CAMK4: variants seen among roughly 807,000 people sequenced by gnomAD.
The protein encoded by CAMK4 is calcium/calmodulin-dependent protein kinase type IV.
Under a neutral mutation model 44.9 loss-of-function variants are expected in CAMK4, and 22 were observed. The ratio of observed to expected loss-of-function variants is 0.49; its 90% CI spans 0.35 to 0.70. The LOEUF is 0.70. CAMK4 is among the 30% of genes least tolerant of loss of function. The probability of loss-of-function intolerance (pLI) is 0.01; values close to 1 mark genes in which losing one functional copy is unlikely to be tolerated. For missense variants in CAMK4, 498 were observed against 586.8 expected, an observed-to-expected ratio of 0.85 and a Z score of 1.56; for synonymous variants, 218 against 215.4, an observed-to-expected ratio of 1.01 and a Z score of -0.11.
chr5:111,416,295 A>G (rs1429847352), intron 5 of CAMK4, among the ~76,000 whole-genome samples: 1 of 152,116 alleles, frequency 6.6e-6, no homozygotes, highest in Non-Finnish European at 1.5e-5. Context: ...TGGAAGCAAA[A>G]CCATTAACAG....
At position 111,224,407 on chromosome 5, in the gene CAMK4, G is replaced by T; in HGVS notation, c.-77G>T. Reference sequence around the variant, plus strand: ...CTCTCTCTCGCTCCTGCGTTCGCAGGCGGCGGCTGGCGGCCGGCTTCTCGC... The same window carrying T: ...CTCTCTCTCGCTCCTGCGTTCGCAGTCGGCGGCTGGCGGCCGGCTTCTCGC... On this transcript the variant is annotated 5_prime_UTR_variant, in exon 1 of 11. Transcript: ENST00000282356. This position sits in a 1 kb window ranked among gnomAD's most constrained non-coding sequence, Gnocchi z 5.7. 6.8e-7 allele frequency: 1 copy of T among 1,480,128 alleles called. No homozygotes were observed. 91.7% of individuals were successfully genotyped at this position (1,480,128 alleles called of 1,614,324 possible).
At chr5:111,473,947 A>G (rs141763952) in intron 8 of CAMK4, among the ~76,000 whole-genome samples, 6 of 152,358 alleles carry the variant, frequency 3.9e-5, no homozygotes, top group African/African-American at 9.6e-5. Flanking sequence ...AATCCCTGGT[A>G]TCCCCACATC....
chr5:111,270,533 G>A (rs1419415924), intron 1 of CAMK4, among the ~76,000 whole-genome samples: 1 of 152,140 alleles, frequency 6.6e-6, no homozygotes, highest in East Asian at 1.9e-4. Flanking sequence ...TCTCCTTTCA[G>A]CTTTCTGACA....
intron 1 of CAMK4, among the ~76,000 whole-genome samples, chr5:111,229,261 A>T (rs1347945327): frequency 6.6e-6 from 1 of 151,728 alleles, no homozygotes; most frequent in Non-Finnish European, 1.5e-5. Flanking sequence ...CTCAGTTAGG[A>T]CTCTCTGTTT....
chr5:111,329,336 C>T (rs1273588015), intron 1 of CAMK4, among the ~76,000 whole-genome samples: 2 of 151,866 alleles, frequency 1.3e-5, no homozygotes, highest in Non-Finnish European at 2.9e-5. Flanking sequence ...GATGCCCTCT[C>T]TCACCACTCC....
intron 1 of CAMK4, among the ~76,000 whole-genome samples, chr5:111,337,381 A>T (rs1437433784): frequency 1.3e-5 from 2 of 151,172 alleles, no homozygotes; most frequent in African/African-American, 4.8e-5. Context: ...GAAGTGACAT[A>T]CATAGGTCAT....
intron 7 of CAMK4, among the ~76,000 whole-genome samples, chr5:111,459,939 C>T (rs917916888): frequency 1.3e-5 from 2 of 152,034 alleles, no homozygotes; most frequent in African/African-American, 4.8e-5. Flanking sequence ...GAAGACACTA[C>T]TTCGAGAACA....
intron 5 of CAMK4, among the ~76,000 whole-genome samples, chr5:111,434,496 A>C (rs1753578265): frequency 6.6e-6 from 1 of 152,204 alleles, no homozygotes; most frequent in African/African-American, 2.4e-5. Flanking sequence ...AAGCTTGGCT[A>C]CTTTGCCCGA....
At chr5:111,340,802 A>T (rs1230496207) in intron 1 of CAMK4, among the ~76,000 whole-genome samples, 1 of 150,822 alleles carries the variant, frequency 6.6e-6, no homozygotes, top group Non-Finnish European at 1.5e-5. Context: ...TGTTTGGTAA[A>T]ATTCAGCAGT....
chr5:111,449,100 T>G, intron 6 of CAMK4, 29 bp from the exon 7 acceptor site: 1 of 952,078 alleles, frequency 1.1e-6, no homozygotes. Flanking sequence ...GAAGACGTGC[T>G]TCATTAAATT....
intron 5 of CAMK4, among the ~76,000 whole-genome samples, chr5:111,417,165 A>T (rs1208802499): frequency 1.3e-5 from 2 of 151,832 alleles, no homozygotes; most frequent in African/African-American, 4.8e-5. Context: ...GTGTTCAAGC[A>T]GTCTCCCACT....
intron 1 of CAMK4, chr5:111,265,869 C>G (rs1423304018): frequency 6.6e-6 from 1 of 152,004 alleles, no homozygotes; most frequent in African/African-American, 2.4e-5. Context: ...TGTGGAGATA[C>G]AGAAGAAAGG....
chr5:111,443,699 T>A (rs1342606983), intron 5 of CAMK4, among the ~76,000 whole-genome samples: 1 of 152,152 alleles, frequency 6.6e-6, no homozygotes, highest in Non-Finnish European at 1.5e-5. Flanking sequence ...AGGATCTTCA[T>A]ATAATTAGTT....
chr5:111,452,260 T>C (rs1754264417), intron 7 of CAMK4, among the ~76,000 whole-genome samples: 1 of 152,174 alleles, frequency 6.6e-6, no homozygotes, highest in Non-Finnish European at 1.5e-5. Context: ...GAGTTTTTGG[T>C]ACAGAGGGCA....
At chr5:111,379,657 T>G (rs1020647576) in intron 4 of CAMK4, among the ~76,000 whole-genome samples, 2 of 152,122 alleles carry the variant, frequency 1.3e-5, no homozygotes, top group Admixed American at 6.6e-5. Context: ...TCTCTTTTTT[T>G]GTACTTAGGT....
intron 1 of CAMK4, among the ~76,000 whole-genome samples, chr5:111,319,519 T>C (rs764476596): frequency 6.6e-6 from 1 of 152,190 alleles, no homozygotes; most frequent in Non-Finnish European, 1.5e-5. Flanking sequence ...TCCAGTTATA[T>C]ATTCCAGGCT....
At chr5:111,236,611 T>C (rs1332655463) in intron 1 of CAMK4, among the ~76,000 whole-genome samples, 1 of 152,218 alleles carries the variant, frequency 6.6e-6, no homozygotes, top group African/African-American at 2.4e-5. Flanking sequence ...ATCTCTGTGG[T>C]GTTAAGCATG....
intron 1 of CAMK4, among the ~76,000 whole-genome samples, chr5:111,272,177 G>T (rs1190411994): frequency 6.6e-6 from 1 of 151,876 alleles, no homozygotes; most frequent in East Asian, 1.9e-4. Context: ...TGCCATGAAG[G>T]TCAGAGAGGT....
intron 7 of CAMK4, among the ~76,000 whole-genome samples, chr5:111,451,339 T>C (rs541312182): frequency 1.3e-5 from 2 of 152,082 alleles, no homozygotes; most frequent in African/African-American, 2.4e-5. Flanking sequence ...TTCATTTTAA[T>C]ATATATATAT....
Sources: gnomAD v4.1 joint callset for allele counts (sites outside exome capture counted in the v4.1 genomes callset) on GRCh38, gnomAD v4.1.1 for gene constraint, Gnocchi (gnomAD v3.1) non-coding constraint, MANE v1.5 for transcripts, NCBI Gene and HGNC (gene_info 2026-07-23, HGNC 2026-07-21) for gene names.